Variants in PCID2 observed in about 807,000 individuals in gnomAD.
PCID2 encodes the protein PCI domain containing 2.
Under a neutral mutation model 61.3 loss-of-function variants are expected in PCID2, and 41 were observed. That is an observed-to-expected ratio of 0.67 (90% CI 0.52 to 0.87). The LOEUF (loss-of-function observed/expected upper bound fraction) is 0.87. PCID2 is among the 40% of genes least tolerant of loss of function. The pLI is 0.00. For synonymous variants in PCID2, 187 were observed against 177.8 expected, an observed-to-expected ratio of 1.05 and a Z score of -0.41; for missense variants, 392 against 493.4, an observed-to-expected ratio of 0.79 and a Z score of 1.95.
chr13:113,186,873 A>G (rs907006928), intron 7 of PCID2: 5 of 152,272 alleles, frequency 3.3e-5, no homozygotes, highest in African/African-American at 1.2e-4. Flanking sequence ...CAAAAATACA[A>G]AAGTGCCCAG....
At chr13:113,200,645 T>A in intron 1 of PCID2, 129 bp from the exon 2 acceptor site, 2 of 511,402 alleles carry the variant, frequency 3.9e-6, no homozygotes, top group Non-Finnish European at 7.2e-6. Flanking sequence ...GACAGAACAA[T>A]CAAAATGTAA....
chr13:113,202,532 G>A (rs1595267892), intron 1 of PCID2, among the ~76,000 whole-genome samples: 1 of 152,192 alleles, frequency 6.6e-6, no homozygotes, highest in East Asian at 1.9e-4. Context: ...GGCACACTAT[G>A]CAACCATTTT....
intron 7 of PCID2, chr13:113,186,812 A>T (rs1446797083): frequency 6.6e-6 from 1 of 152,230 alleles, no homozygotes; most frequent in African/African-American, 2.4e-5. Context: ...CGGTTTACGA[A>T]GTACACTCTG....
chr13:113,190,620 GA>G lies in PCID2; in HGVS notation c.467+251del, dbSNP rs2038531650. ...CAGGAAAGGGAAATGGCACTAGACG[GA>G]AACTGGTTCCTGCAGAGAGGAGCTC... On this transcript the variant is annotated intron_variant, in intron 7 of 13. Transcript: ENST00000337344. The G allele has an allele frequency of 8.9e-6, 3 of 335,454 alleles. No homozygotes were observed. In the South Asian group the frequency reaches 3.9e-4, roughly 43 times the overall value. 20.8% of individuals were successfully genotyped at this position (335,454 alleles called of 1,614,324 possible).
At chr13:113,170,431 G>C in the PCID2 span, 1 of 1,603,886 alleles carries the variant, frequency 6.2e-7, no homozygotes, top group South Asian at 1.1e-5. Flanking sequence ...AACAAATTCC[G>C]AAGGAAAAGA....
At chr13:113,171,462 CG>C in the PCID2 span, 1 of 1,093,110 alleles carries the variant, frequency 9.1e-7, no homozygotes, top group Non-Finnish European at 1.3e-6. This position sits in a 1 kb window ranked among gnomAD's most constrained non-coding sequence, Gnocchi z 5.1. Flanking sequence ...GTCCACACCA[CG>C]GGGCGGTGAG....
chr13:113,176,158 G>A (rs537777044), downstream of PCID2, among the ~76,000 whole-genome samples: 225 of 152,360 alleles, frequency 1.5e-3, 1 homozygote, highest in South Asian at 0.022. Flanking sequence ...CGCGCGGCCC[G>A]GAGAGAGAGA....
rs376934272 is a variant in PCID2, at chr13:113,178,993, C to A, written c.1083G>T (p.Gln361His). The A allele has an allele frequency of 1.9e-6, 3 of 1,613,762 alleles. No homozygotes were observed. The East Asian group carries it at 6.7e-5, about 36-fold the overall frequency. ...QVEDVDIDEV[Q>H]CILANLIYMG... ...TGTATATCAAGTTAGCCAGAATACA[C>A]TGAACTTCGTCAATGTCCACGTCCT... The change falls in exon 13 of 14, where the codon CAG (glutamine) becomes CAT (histidine). Residue 361 changes from glutamine (Q) to histidine (H), a missense_variant. By Grantham distance (24) the Gln-to-His change is conservative. This residue lies in a region of PCID2 where 226 missense variants were observed against 296.5 expected (regional missense o/e 0.76). Transcript: ENST00000337344.
At chr13:113,208,189 C>T (rs2040073416) in intron 1 of PCID2, 1 of 1,565,090 alleles carries the variant, frequency 6.4e-7, no homozygotes, top group African/African-American at 1.3e-5. Context: ...CCTGGAGTCC[C>T]CGAATTCATC....
chr13:113,171,973 C>T, the PCID2 span: 4 of 1,613,448 alleles, frequency 2.5e-6, no homozygotes, highest in Non-Finnish European at 2.5e-6. The surrounding 1 kb of genome is among the most constrained non-coding windows in gnomAD (Gnocchi z 5.1). Context: ...GAAGTGTGGT[C>T]ACCAGAGAAC....
rs1461326860 is a variant in PCID2 at position 113,196,069 on chromosome 13, AC to A, written c.308+111del. The A allele has an allele frequency of 5.2e-6, 4 of 771,986 alleles. No individual in the cohort carries two copies. In the African/African-American group the frequency reaches 6.7e-5, roughly 13 times the overall value. 47.8% of individuals were successfully genotyped at this position (771,986 alleles called of 1,614,324 possible). On this transcript the variant is annotated intron_variant, in intron 5 of 13. Coordinates refer to ENST00000337344, the MANE Select transcript of PCID2 (RefSeq NM_001127202.4). ...ATTACCATATGTCAACACACTGATT[AC>A]CAAATATCCACATGGAAAATACAAT... is the stretch of plus-strand genomic sequence containing the variant.
downstream of PCID2, among the ~76,000 whole-genome samples, chr13:113,174,377 G>A (rs1369416930): frequency 6.6e-6 from 1 of 152,190 alleles, no homozygotes; most frequent in Non-Finnish European, 1.5e-5. Flanking sequence ...AGAGACATGA[G>A]GGGCCTTCAA....
intron 6 of PCID2, among the ~76,000 whole-genome samples, chr13:113,194,858 A>G (rs535745284): frequency 4.9e-4 from 75 of 152,324 alleles, no homozygotes; most frequent in South Asian, 1.0e-3. Flanking sequence ...CTCCCTCTAT[A>G]TGAACAGTGT....
intron 6 of PCID2, among the ~76,000 whole-genome samples, chr13:113,193,744 T>G (rs2038791650): frequency 6.6e-6 from 1 of 152,214 alleles, no homozygotes; most frequent in Non-Finnish European, 1.5e-5. Context: ...TCCATTTGGT[T>G]CTTCTTTATA....
downstream of PCID2, among the ~76,000 whole-genome samples, chr13:113,175,505 C>T (rs1394362905): frequency 6.6e-6 from 1 of 152,222 alleles, no homozygotes; most frequent in Non-Finnish European, 1.5e-5. Flanking sequence ...CCATGCAGAG[C>T]AGCAGGGAAG....
At chr13:113,172,229 C>T in the PCID2 span, 24 of 1,373,900 alleles carry the variant, frequency 1.7e-5, no homozygotes, top group Middle Eastern at 2.5e-4. Flanking sequence ...CCAGACCACC[C>T]GCTTGGCCCA....
intron 6 of PCID2, among the ~76,000 whole-genome samples, chr13:113,192,026 G>C (rs540855215): frequency 6.6e-6 from 1 of 152,336 alleles, no homozygotes; most frequent in Admixed American, 6.5e-5. Context: ...GGGAGGCTGA[G>C]GTGGGAGAAT....
At position 113,190,171 on chromosome 13, in the gene PCID2, T is replaced by C. The variant is rs1016445967; in HGVS notation, c.467+701A>G. On this transcript the variant is annotated intron_variant, in intron 7 of 13. Transcript: ENST00000337344. ...TAGTTAAAGAATGTAAAACATTAAA[T>C]TTTTAAAAACATCAACTTACAAATA... is the stretch of plus-strand genomic sequence containing the variant. 7.9e-5 allele frequency among the ~76,000 whole-genome samples: 12 copies of C among 151,556 alleles called. No homozygotes were observed. The South Asian group carries it at 2.3e-3, about 29-fold the overall frequency.
chr13:113,171,169 T>C, the PCID2 span, among the ~76,000 whole-genome samples: 1 of 152,212 alleles, frequency 6.6e-6, no homozygotes, highest in African/African-American at 2.4e-5. The surrounding 1 kb of genome is among the most constrained non-coding windows in gnomAD (Gnocchi z 5.1). Context: ...GTGATCGACC[T>C]GCCTCGGCCT....
Sources: allele counts gnomAD v4.1 joint callset (sites outside exome capture counted in the v4.1 genomes callset), GRCh38; gene constraint gnomAD v4.1.1; regional missense constraint gnomAD v4.1.1; non-coding constraint Gnocchi (gnomAD v3.1); transcripts MANE v1.5; gene names NCBI Gene and HGNC (gene_info 2026-07-23, HGNC 2026-07-21).